Variants in KCNN2 observed in about 807,000 individuals in gnomAD.
The protein encoded by KCNN2 is small conductance calcium-activated potassium channel protein 2.
In KCNN2, 24 loss-of-function variants were observed where a neutral mutation model predicts 55.5. The observed-to-expected ratio is 0.43, with a 90% confidence interval of 0.31 to 0.61. The LOEUF (loss-of-function observed/expected upper bound fraction) is 0.61, where lower values mean the gene tolerates loss of function less well. KCNN2 is among the 20% of genes least tolerant of loss of function. KCNN2 has a pLI of 0.08. For missense variants in KCNN2, 754 were observed against 853.6 expected (o/e 0.88, Z 1.45); for synonymous variants, 431 against 336.1 (o/e 1.28, Z -3.09).
At chr5:114,215,096 A>G (rs900292716) in intron 1 of KCNN2, among the ~76,000 whole-genome samples, 3 of 152,120 alleles carry the variant, frequency 2.0e-5, no homozygotes, top group African/African-American at 7.2e-5. Flanking sequence ...TTTGTCAAGA[A>G]TATAACTTGA....
intron 1 of KCNN2, among the ~76,000 whole-genome samples, chr5:114,103,284 T>G (rs990275242): frequency 6.6e-6 from 1 of 151,854 alleles, no homozygotes; most frequent in African/African-American, 2.4e-5. Context: ...AATTGTATCC[T>G]GAGACGGCTG....
At chr5:114,377,227 C>T (rs1757971630) in intron 2 of KCNN2, among the ~76,000 whole-genome samples, 2 of 152,102 alleles carry the variant, frequency 1.3e-5, no homozygotes, top group African/African-American at 4.8e-5. Context: ...TTGGCCTCCC[C>T]AGACTTGTTT....
chr5:114,343,499 A>T (rs1447660545), intron 2 of KCNN2, among the ~76,000 whole-genome samples: 1 of 152,166 alleles, frequency 6.6e-6, no homozygotes, highest in African/African-American at 2.4e-5. Flanking sequence ...TTTTAGGTGC[A>T]GGTAAGATCC....
At chr5:114,081,942 C>G (rs1750830407) in intron 1 of KCNN2, among the ~76,000 whole-genome samples, 1 of 151,536 alleles carries the variant, frequency 6.6e-6, no homozygotes, top group African/African-American at 2.4e-5. Flanking sequence ...TTAAAATGGG[C>G]AAAGGATTGA....
chr5:114,290,813 T>C (rs1270161694), intron 2 of KCNN2, among the ~76,000 whole-genome samples: 2 of 152,148 alleles, frequency 1.3e-5, no homozygotes, highest in Non-Finnish European at 2.9e-5. Context: ...TCTAAATATC[T>C]TCTAATCCTC....
intron 5 of KCNN2, among the ~76,000 whole-genome samples, chr5:114,478,234 G>GA (rs975748180): frequency 1.2e-4 from 18 of 151,996 alleles, no homozygotes; most frequent in Non-Finnish European, 2.2e-4. Flanking sequence ...AGCAGCAGGA[G>GA]AAAAAAACAA....
At chr5:114,495,050 A>C (rs1260390042) in intron 7 of KCNN2, among the ~76,000 whole-genome samples, 1 of 152,130 alleles carries the variant, frequency 6.6e-6, no homozygotes, top group South Asian at 2.1e-4. Flanking sequence ...TGAGCTGATC[A>C]GTCCTCTCTC....
At chr5:114,278,504 G>A (rs749790143) in intron 2 of KCNN2, among the ~76,000 whole-genome samples, 2 of 152,216 alleles carry the variant, frequency 1.3e-5, no homozygotes, top group Non-Finnish European at 2.9e-5. Flanking sequence ...AGTGGGCTCC[G>A]CCCAGTTCAA....
intron 1 of KCNN2, among the ~76,000 whole-genome samples, chr5:114,109,461 G>A (rs1176388639): frequency 6.6e-6 from 1 of 152,030 alleles, no homozygotes; most frequent in African/African-American, 2.4e-5. Context: ...TGAATAACAG[G>A]ATGTAGGGAT....
intron 2 of KCNN2, among the ~76,000 whole-genome samples, chr5:114,380,604 C>T (rs572867630): frequency 6.6e-6 from 1 of 152,272 alleles, no homozygotes; most frequent in African/African-American, 2.4e-5. Flanking sequence ...TATACTTAGT[C>T]CAGTGCTAGA....
intron 2 of KCNN2, among the ~76,000 whole-genome samples, chr5:114,332,085 T>C (rs895830580): frequency 2.6e-5 from 4 of 152,242 alleles, no homozygotes; most frequent in Admixed American, 2.6e-4. Context: ...ATTACAGTAA[T>C]TTATTCATTT....
At chr5:114,141,729 T>C (rs1290908985) in intron 1 of KCNN2, among the ~76,000 whole-genome samples, 4 of 152,228 alleles carry the variant, frequency 2.6e-5, no homozygotes, top group Non-Finnish European at 2.9e-5. Flanking sequence ...ATGGTTGAAC[T>C]AGTTTACACT....
intron 1 of KCNN2, among the ~76,000 whole-genome samples, chr5:114,150,786 C>G (rs926267288): frequency 6.6e-6 from 1 of 152,184 alleles, no homozygotes; most frequent in Non-Finnish European, 1.5e-5. Flanking sequence ...CTTTGGAAGG[C>G]TGAAGCAGGC....
chr5:114,309,478 G>C (rs1468662228), intron 2 of KCNN2, among the ~76,000 whole-genome samples: 5 of 152,134 alleles, frequency 3.3e-5, no homozygotes, highest in Non-Finnish European at 2.9e-5. Flanking sequence ...TGTGTATATG[G>C]TGAGTTTAAT....
intron 1 of KCNN2, among the ~76,000 whole-genome samples, chr5:114,195,738 C>A (rs1753543088): frequency 6.6e-6 from 1 of 151,988 alleles, no homozygotes; most frequent in African/African-American, 2.4e-5. Context: ...ACAGTGAGAG[C>A]AGACATCCTT....
chr5:114,182,701 T>A (rs6594789), intron 1 of KCNN2, among the ~76,000 whole-genome samples: 109,946 of 151,980 alleles, frequency 0.72, 39,939 homozygotes, highest in East Asian at 0.87. Flanking sequence ...ACAATACAAC[T>A]TATTTTTATA....
At chr5:114,371,062 ACC>A (rs1757749563) in intron 2 of KCNN2, among the ~76,000 whole-genome samples, 1 of 152,192 alleles carries the variant, frequency 6.6e-6, no homozygotes, top group African/African-American at 2.4e-5. Context: ...GAACAGACTT[ACC>A]AGTGGATAGA....
upstream of KCNN2, among the ~76,000 whole-genome samples, chr5:114,358,828 G>T (rs767866218): frequency 3.3e-5 from 5 of 152,064 alleles, no homozygotes; most frequent in East Asian, 1.9e-4. Context: ...AGAAAAAAAA[G>T]AAATCATGTT....
At chr5:114,068,894 A>G (rs1346691963) in intron 1 of KCNN2, among the ~76,000 whole-genome samples, 1 of 151,702 alleles carries the variant, frequency 6.6e-6, no homozygotes, top group Non-Finnish European at 1.5e-5. Flanking sequence ...GCTCACTGGA[A>G]CCTCCACCAT....
Sources: gnomAD v4.1 joint callset for allele counts (sites outside exome capture counted in the v4.1 genomes callset) on GRCh38, gnomAD v4.1.1 for gene constraint, MANE v1.5 for transcripts, NCBI Gene and HGNC (gene_info 2026-07-23, HGNC 2026-07-21) for gene names.